FAAH2: variants seen among roughly 807,000 people sequenced by gnomAD.
The protein encoded by FAAH2 is fatty acid amide hydrolase 2.
A neutral mutation model predicts 36.9 loss-of-function variants in FAAH2; 60 were observed. The ratio of observed to expected loss-of-function variants is 1.63; its 90% confidence interval spans 1.32 to 2.02. The LOEUF (loss-of-function observed/expected upper bound fraction) is 2.02, where lower values mean the gene tolerates loss of function less well. FAAH2 is among the 30% of genes most tolerant of loss of function. The pLI is 0.00. For missense variants in FAAH2, 689 were observed against 397.5 expected, an observed-to-expected ratio of 1.73 and a Z score of -6.23; for synonymous variants, 214 against 143.8, an observed-to-expected ratio of 1.49 and a Z score of -3.49.
At chrX:57,225,761 T>C in the FAAH2 span, among the ~76,000 whole-genome samples, 5 of 111,781 alleles carry the variant, frequency 4.5e-5, no homozygotes, top group African/African-American at 1.6e-4. Context: ...ACTATTATGA[T>C]TCTATCTATC....
At chrX:57,233,473 A>C in the FAAH2 span, among the ~76,000 whole-genome samples, 23 of 111,317 alleles carry the variant, frequency 2.1e-4, no homozygotes, top group African/African-American at 7.6e-4. Flanking sequence ...ATTGTAAAGG[A>C]AGGCTTAATA....
intron 10 of FAAH2, among the ~76,000 whole-genome samples, chrX:57,487,577 A>G (rs1188000350): frequency 8.9e-6 from 1 of 112,297 alleles, no homozygotes; most frequent in East Asian, 2.8e-4. Context: ...ACAAGGAGTT[A>G]TCAATGCACA....
At chrX:57,147,146 T>C in the FAAH2 span, among the ~76,000 whole-genome samples, 3 of 111,912 alleles carry the variant, frequency 2.7e-5, no homozygotes, top group Non-Finnish European at 3.8e-5. Context: ...GTACCTATGT[T>C]CTTTCAATGT....
the FAAH2 span, among the ~76,000 whole-genome samples, chrX:57,154,116 G>A: frequency 6.3e-5 from 7 of 110,859 alleles, no homozygotes; most frequent in African/African-American, 2.0e-4. Flanking sequence ...TTTGAGCTCC[G>A]AAGTTCCTTC....
intron 4 of FAAH2, among the ~76,000 whole-genome samples, chrX:57,339,624 T>G (rs928852894): frequency 2.7e-5 from 3 of 111,943 alleles, no homozygotes; most frequent in Non-Finnish European, 5.6e-5. Flanking sequence ...AAGAAAACAT[T>G]AATGCAGCCA....
the FAAH2 span, among the ~76,000 whole-genome samples, chrX:57,165,124 C>T: frequency 1.8e-5 from 2 of 112,458 alleles, no homozygotes; most frequent in East Asian, 2.8e-4. Context: ...TTGTGGAAGT[C>T]AGTGTGGCGA....
chrX:57,137,418 C>T, the FAAH2 span: 1 of 711,821 alleles, frequency 1.4e-6, no homozygotes, highest in Non-Finnish European at 1.7e-6. Flanking sequence ...GTGTCCCCAG[C>T]GCTTCGCTCG....
At chrX:57,456,340 GA>G (rs1287651097) in intron 10 of FAAH2, among the ~76,000 whole-genome samples, 1 of 111,677 alleles carries the variant, frequency 9.0e-6, no homozygotes, top group Non-Finnish European at 1.9e-5. Context: ...CCTTCATCAA[GA>G]GGTTAGAAAG....
chrX:57,280,199 C>T, the FAAH2 span, among the ~76,000 whole-genome samples: 1 of 110,994 alleles, frequency 9.0e-6, no homozygotes. Flanking sequence ...TCAATGGAAT[C>T]CTAATAAAAA....
intron 5 of FAAH2, among the ~76,000 whole-genome samples, chrX:57,369,142 G>A (rs2054490892): frequency 9.3e-6 from 1 of 107,397 alleles, no homozygotes; most frequent in Admixed American, 1.0e-4. Context: ...TTTTAAACTT[G>A]AGGAATGTGT....
intron 7 of FAAH2, among the ~76,000 whole-genome samples, chrX:57,418,524 C>T (rs2055908671): frequency 9.0e-6 from 1 of 110,554 alleles, no homozygotes; most frequent in Non-Finnish European, 1.9e-5. Context: ...GAGGTGACAC[C>T]CCACCCTGCT....
At chrX:57,337,495 C>T (rs2053583601) in intron 4 of FAAH2, among the ~76,000 whole-genome samples, 2 of 111,469 alleles carry the variant, frequency 1.8e-5, no homozygotes, top group Admixed American at 1.9e-4. Flanking sequence ...AACATCAATG[C>T]AAAAACCCTC....
the FAAH2 span, among the ~76,000 whole-genome samples, chrX:57,255,183 G>T: frequency 1.8e-3 from 199 of 111,907 alleles, 3 homozygotes; most frequent in East Asian, 0.044. Flanking sequence ...TAGAAGAAAT[G>T]GATCAATTTC....
the FAAH2 span, among the ~76,000 whole-genome samples, chrX:57,200,688 C>T: frequency 8.9e-6 from 1 of 111,831 alleles, no homozygotes. Flanking sequence ...CATCCTTCCA[C>T]TGTTTAATTT....
At chrX:57,272,747 T>A in the FAAH2 span, among the ~76,000 whole-genome samples, 6 of 112,394 alleles carry the variant, frequency 5.3e-5, no homozygotes, top group South Asian at 1.1e-3. Context: ...ACAGAGCTCC[T>A]GAAGTGAGCA....
chrX:57,323,100 T>G (rs748980682), intron 3 of FAAH2, among the ~76,000 whole-genome samples: 1 of 111,256 alleles, frequency 9.0e-6, no homozygotes, highest in South Asian at 3.9e-4. Flanking sequence ...TTTTTGTCTT[T>G]GCAACAGTTT....
the FAAH2 span, among the ~76,000 whole-genome samples, chrX:57,267,716 C>T: frequency 1.2e-4 from 13 of 112,181 alleles, no homozygotes; most frequent in East Asian, 8.4e-4. Flanking sequence ...ATTTACAGCA[C>T]GCAGCCCAGA....
chrX:57,172,126 C>T, the FAAH2 span, among the ~76,000 whole-genome samples: 1 of 111,867 alleles, frequency 8.9e-6, no homozygotes, highest in African/African-American at 3.2e-5. Context: ...AGTTTTATAG[C>T]AGTACCATGC....
intron 7 of FAAH2, among the ~76,000 whole-genome samples, chrX:57,422,135 T>C (rs1463515262): frequency 8.9e-6 from 1 of 112,016 alleles, no homozygotes; most frequent in Non-Finnish European, 1.9e-5. Flanking sequence ...GGGGATGTGT[T>C]AATTTGCTCT....
Sources: gnomAD v4.1 joint callset for allele counts (sites outside exome capture counted in the v4.1 genomes callset) on GRCh38, gnomAD v4.1.1 for gene constraint, MANE v1.5 for transcripts, NCBI Gene and HGNC (gene_info 2026-07-23, HGNC 2026-07-21) for gene names.